TDRD12: variants seen among roughly 807,000 people sequenced by gnomAD.
The protein encoded by TDRD12 is tudor domain containing 12, also known as putative ATP-dependent RNA helicase TDRD12.
TDRD12 carries 158 observed loss-of-function variants against 133.5 expected under a neutral mutation model. The ratio of observed to expected loss-of-function variants is 1.18; its 90% CI spans 1.04 to 1.35. The LOEUF (loss-of-function observed/expected upper bound fraction) is 1.35. TDRD12 is among the 40% of genes most tolerant of loss of function. TDRD12 has a pLI of 0.00. For synonymous variants in TDRD12, 460 were observed against 477.9 expected (o/e 0.96, Z 0.49); for missense variants, 1,443 against 1,321.3 (o/e 1.09, Z -1.43).
chr19:32,815,938 G>A (rs578250008), intron 26 of TDRD12, among the ~76,000 whole-genome samples: 12 of 151,852 alleles, frequency 7.9e-5, no homozygotes, highest in South Asian at 4.1e-4. Flanking sequence ...AGGTTGCAGC[G>A]AGCCAAGATC....
intron 13 of TDRD12, among the ~76,000 whole-genome samples, chr19:32,791,709 G>A (rs1183470104): frequency 6.6e-6 from 1 of 152,074 alleles, no homozygotes; most frequent in East Asian, 1.9e-4. Context: ...GTTCTCAGCA[G>A]CAAGGTTGGA....
intron 25 of TDRD12, among the ~76,000 whole-genome samples, chr19:32,814,270 G>A (rs1238207445): frequency 1.3e-5 from 2 of 152,102 alleles, no homozygotes; most frequent in African/African-American, 2.4e-5. Context: ...TGTGACTCAC[G>A]GGCCTCCGTG....
intron 24 of TDRD12, among the ~76,000 whole-genome samples, chr19:32,812,034 G>A (rs1967022863): frequency 1.3e-5 from 2 of 152,238 alleles, no homozygotes; most frequent in South Asian, 4.1e-4. Flanking sequence ...GCCAAAGGAA[G>A]GGTCATTTCC....
chr19:32,798,885 TGCA>T (rs1280624785), intron 16 of TDRD12, among the ~76,000 whole-genome samples: 1 of 152,236 alleles, frequency 6.6e-6, no homozygotes, highest in East Asian at 1.9e-4. Flanking sequence ...TTTTGTAGCC[TGCA>T]TTGTGCAGGG....
chr19:32,763,954 G>A (rs1970221472), intron 8 of TDRD12, among the ~76,000 whole-genome samples: 2 of 152,068 alleles, frequency 1.3e-5, no homozygotes, highest in Admixed American at 1.3e-4. Flanking sequence ...AGTGTGTTCA[G>A]CTTTTTACTT....
chr19:32,824,751 C>A (rs1355031542), downstream of TDRD12, among the ~76,000 whole-genome samples: 1 of 152,064 alleles, frequency 6.6e-6, no homozygotes. Flanking sequence ...CCCCCGCCGC[C>A]CTTTCTTCCT....
At chr19:32,739,830 C>T (rs1000007795) in intron 3 of TDRD12, among the ~76,000 whole-genome samples, 1 of 142,450 alleles carries the variant, frequency 7.0e-6, no homozygotes, top group East Asian at 2.3e-4. Flanking sequence ...TCTGCATCTC[C>T]TGGGCACTCT....
intron 8 of TDRD12, among the ~76,000 whole-genome samples, chr19:32,770,459 A>G (rs866657015): frequency 6.6e-6 from 1 of 152,124 alleles, no homozygotes; most frequent in Non-Finnish European, 1.5e-5. Context: ...ATATATAGCT[A>G]TACTTTCTAA....
At chr19:32,780,452 C>G (rs1213804472) in intron 11 of TDRD12, among the ~76,000 whole-genome samples, 2 of 152,168 alleles carry the variant, frequency 1.3e-5, no homozygotes, top group Non-Finnish European at 2.9e-5. Flanking sequence ...CATGTCGAAG[C>G]CTGGACTGAA....
chr19:32,801,545 A>G (rs1241220669), intron 18 of TDRD12, among the ~76,000 whole-genome samples: 1 of 152,196 alleles, frequency 6.6e-6, no homozygotes, highest in Non-Finnish European at 1.5e-5. Context: ...AATACTGCTT[A>G]TTTCACTTGA....
intron 8 of TDRD12, among the ~76,000 whole-genome samples, chr19:32,765,977 C>G (rs866514689): frequency 2.6e-5 from 4 of 151,056 alleles, no homozygotes; most frequent in Non-Finnish European, 5.9e-5. Flanking sequence ...TTAAATGGCT[C>G]TCTTTATCCC....
chr19:32,766,549 T>C (rs1341422902), intron 8 of TDRD12, among the ~76,000 whole-genome samples: 2 of 152,160 alleles, frequency 1.3e-5, no homozygotes, highest in Non-Finnish European at 2.9e-5. Context: ...CTTTACCCTA[T>C]TTTTTTGCTT....
At chr19:32,803,042 G>C in exon 21 of TDRD12, 2 of 1,535,954 alleles carry the variant, frequency 1.3e-6, no homozygotes. Context: ...CAAGGTCCCC[G>C]CAGAGCTGTA....
chr19:32,762,278 A>G (rs560795698), intron 8 of TDRD12, among the ~76,000 whole-genome samples: 1 of 152,212 alleles, frequency 6.6e-6, no homozygotes, highest in African/African-American at 2.4e-5. Context: ...AGGGTCATCT[A>G]GGTTTTCTCC....
At chr19:32,743,043 G>C in intron 4 of TDRD12, 143 bp downstream of exon 4, 1 of 1,051,154 alleles carries the variant, frequency 9.5e-7, no homozygotes. Context: ...GTCAGTGTTT[G>C]TCTGACCTGG....
intron 11 of TDRD12, among the ~76,000 whole-genome samples, chr19:32,783,643 G>T (rs1175975372): frequency 3.3e-5 from 5 of 152,118 alleles, no homozygotes; most frequent in African/African-American, 1.2e-4. Context: ...ATTTTCTTGA[G>T]CAGTGGTTTG....
At chr19:32,813,918 A>G in intron 25 of TDRD12, 142 bp downstream of exon 25, 2 of 613,660 alleles carry the variant, frequency 3.3e-6, no homozygotes, top group Admixed American at 3.0e-5. Flanking sequence ...GGTGTTTTTC[A>G]TGTTATTGGG....
intron 27 of TDRD12, among the ~76,000 whole-genome samples, chr19:32,819,314 C>CAA (rs57431026): frequency 0.26 from 35,390 of 134,900 alleles, 5,286 homozygotes; most frequent in African/African-American, 0.44. Context: ...GACCTTGTCT[C>CAA]AAAAAAAAAA....
At chr19:32,757,211 T>A in intron 8 of TDRD12, 81 bp downstream of exon 8, 1 of 1,138,876 alleles carries the variant, frequency 8.8e-7, no homozygotes, top group Non-Finnish European at 1.3e-6. Context: ...AAAGGTTGTC[T>A]AGAAAGGCCA....
Sources: allele counts gnomAD v4.1 joint callset (sites outside exome capture counted in the v4.1 genomes callset), GRCh38; gene constraint gnomAD v4.1.1; transcripts MANE v1.5; gene names NCBI Gene and HGNC (gene_info 2026-07-23, HGNC 2026-07-21).